Variants in GRHL2 observed in about 807,000 individuals in gnomAD.
The protein encoded by GRHL2 is grainyhead like transcription factor 2.
Under a neutral mutation model 83.8 loss-of-function variants are expected in GRHL2, and 21 were observed. The ratio of observed to expected loss-of-function variants is 0.25; its 90% CI spans 0.18 to 0.36. GRHL2 has a LOEUF of 0.36. Ranked by LOEUF, GRHL2 falls within the 10% of genes least tolerant of loss-of-function variation. The pLI is 1.00. For missense variants in GRHL2, 623 were observed against 781.8 expected (o/e 0.80, Z 2.42); for synonymous variants, 280 against 278.9 (o/e 1.00, Z -0.04).
intron 7 of GRHL2, among the ~76,000 whole-genome samples, chr8:101,598,712 A>G (rs962123525): frequency 6.6e-6 from 1 of 151,724 alleles, no homozygotes; most frequent in Non-Finnish European, 1.5e-5. Context: ...ATTAAGTGGC[A>G]GAAAAGTGAG....
chr8:101,644,059 C>T (rs1362154801), intron 12 of GRHL2, 72 bp from the exon 13 acceptor site: 105 of 1,287,956 alleles, frequency 8.2e-5, no homozygotes, highest in Middle Eastern at 3.7e-4. Context: ...AAGACAGAAA[C>T]GGACACACAT....
intron 9 of GRHL2, among the ~76,000 whole-genome samples, chr8:101,627,861 A>C (rs529774742): frequency 6.6e-6 from 1 of 152,214 alleles, no homozygotes; most frequent in Non-Finnish European, 1.5e-5. Context: ...ACATTCCCTT[A>C]GGCCAAAGCC....
Position 101,666,833 on chromosome 8 carries a change from G to T in GRHL2, c.*130G>T. ...CAACTGCTGTTACAAGACCGTGCTG[G>T]GGAGTGGGGCAAGGGACAGGCCCCA... On this transcript the variant is annotated 3_prime_UTR_variant, in exon 16 of 16. Coordinates refer to ENST00000646743, the MANE Select transcript of GRHL2 (RefSeq NM_024915.4). 2 of 719,224 alleles carry T rather than the reference G, an allele frequency of 2.8e-6. No homozygotes were observed. The highest frequency in any genetic ancestry group is 3.0e-5 in the South Asian group (2 of 67,002). 44.6% of individuals were successfully genotyped at this position (719,224 alleles called of 1,614,324 possible).
intron 1 of GRHL2, among the ~76,000 whole-genome samples, chr8:101,505,307 G>A (rs1231827531): frequency 6.6e-6 from 1 of 152,136 alleles, no homozygotes; most frequent in African/African-American, 2.4e-5. Flanking sequence ...GCCGGGCGTG[G>A]TGGCTCATGC....
intron 14 of GRHL2, among the ~76,000 whole-genome samples, chr8:101,652,562 T>C (rs1813688212): frequency 2.7e-5 from 2 of 74,662 alleles, no homozygotes; most frequent in Non-Finnish European, 5.0e-5. Context: ...GTATGTGTGG[T>C]GGTGTGTGTG....
intron 7 of GRHL2, among the ~76,000 whole-genome samples, chr8:101,580,587 A>T (rs1434773524): frequency 6.6e-6 from 1 of 152,088 alleles, no homozygotes; most frequent in Non-Finnish European, 1.5e-5. Flanking sequence ...AAAAGCCAAG[A>T]TGCTAAGAGG....
At chr8:101,645,031 T>A (rs1037140253) in intron 13 of GRHL2, among the ~76,000 whole-genome samples, 4 of 151,782 alleles carry the variant, frequency 2.6e-5, no homozygotes, top group African/African-American at 9.7e-5. Flanking sequence ...TAATGTTTTA[T>A]AGAGACGAGG....
At chr8:101,551,207 T>C (rs969481261) in intron 2 of GRHL2, among the ~76,000 whole-genome samples, 18 of 152,266 alleles carry the variant, frequency 1.2e-4, no homozygotes, top group Admixed American at 4.6e-4. Context: ...GAATGATTTA[T>C]AATTGATTTA....
intron 15 of GRHL2, 31 bp from the exon 16 acceptor site, chr8:101,666,554 CTTTG>C (rs1462644226): frequency 1.6e-6 from 2 of 1,286,870 alleles, no homozygotes; most frequent in Non-Finnish European, 2.3e-6. Flanking sequence ...TTCACGGCGT[CTTTG>C]TTTTTCACAC....
intron 11 of GRHL2, among the ~76,000 whole-genome samples, chr8:101,632,912 C>T (rs1275480990): frequency 6.6e-6 from 1 of 152,138 alleles, no homozygotes; most frequent in Non-Finnish European, 1.5e-5. Context: ...ACAAGTGAAA[C>T]GAAAGATCTC....
chr8:101,561,130 T>C (rs1811600200), intron 4 of GRHL2, among the ~76,000 whole-genome samples: 1 of 152,016 alleles, frequency 6.6e-6, no homozygotes, highest in Non-Finnish European at 1.5e-5. Context: ...GTCTTTCATG[T>C]AGGTTTCTGA....
At position 101,586,370 on chromosome 8, in the gene GRHL2, C is replaced by T. The variant is rs1270646960; in HGVS notation, c.1003+8851C>T. ...ACCCTTCACTATTTTTTCCTACTTA[C>T]TTCCAACCTCTTGTTTGACCCATCT... On this transcript the variant is annotated intron_variant, in intron 7 of 15. Coordinates refer to ENST00000646743, the MANE Select transcript of GRHL2 (RefSeq NM_024915.4). Among the ~76,000 whole-genome samples the T allele has an allele frequency of 3.3e-5, 5 of 152,194 alleles. No individual in the cohort carries two copies. The East Asian group carries it at 9.7e-4, about 29-fold the overall frequency.
chr8:101,539,629 C>T (rs181129356), intron 1 of GRHL2, among the ~76,000 whole-genome samples: 3 of 152,308 alleles, frequency 2.0e-5, no homozygotes, highest in Admixed American at 2.0e-4. Context: ...GCTATTTTAT[C>T]ATTAGATTAA....
At chr8:101,598,509 G>T (rs528820464) in intron 7 of GRHL2, among the ~76,000 whole-genome samples, 1 of 151,360 alleles carries the variant, frequency 6.6e-6, no homozygotes, top group South Asian at 2.1e-4. Context: ...CAAAGTTCTG[G>T]GATTACAGGC....
chr8:101,529,432 C>CA (rs11402395), intron 1 of GRHL2: 112,437 of 139,100 alleles, frequency 0.81, 45,402 homozygotes, highest in Non-Finnish European at 0.85. Context: ...GACTCCCTCT[C>CA]AAAAAAAAAA....
chr8:101,548,742 A>T (rs1811316863), intron 2 of GRHL2, among the ~76,000 whole-genome samples: 1 of 152,200 alleles, frequency 6.6e-6, no homozygotes, highest in Admixed American at 6.5e-5. Context: ...TTCAAAAAAG[A>T]GCATGGTTCA....
chr8:101,550,868 T>C (rs1811365910), intron 2 of GRHL2, among the ~76,000 whole-genome samples: 1 of 152,236 alleles, frequency 6.6e-6, no homozygotes. Flanking sequence ...ATTTGTCCTT[T>C]TGTATCTGGC....
intron 7 of GRHL2, among the ~76,000 whole-genome samples, chr8:101,582,345 T>C (rs761096781): frequency 1.3e-5 from 2 of 151,894 alleles, no homozygotes; most frequent in Non-Finnish European, 2.9e-5. Flanking sequence ...AGAGTGCTAG[T>C]TGATTTGTTG....
At chr8:101,622,896 AT>A (rs1812993279) in intron 9 of GRHL2, among the ~76,000 whole-genome samples, 1 of 152,200 alleles carries the variant, frequency 6.6e-6, no homozygotes, top group South Asian at 2.1e-4. Flanking sequence ...CCTTTGGGTC[AT>A]CATAGCTTAC....
Sources: allele counts gnomAD v4.1 joint callset (sites outside exome capture counted in the v4.1 genomes callset), GRCh38; gene constraint gnomAD v4.1.1; transcripts MANE v1.5; gene names NCBI Gene and HGNC (gene_info 2026-07-23, HGNC 2026-07-21).